MRRF: variants seen among roughly 807,000 people sequenced by gnomAD.
MRRF encodes the protein mitochondrial ribosome recycling factor, also known as ribosome-recycling factor, mitochondrial.
Under a neutral mutation model 25.1 loss-of-function variants are expected in MRRF, and 18 were observed. The observed-to-expected ratio is 0.72, with a 90% CI of 0.50 to 1.06. The LOEUF (loss-of-function observed/expected upper bound fraction) is 1.06. Ranked by LOEUF, MRRF falls within the 50% of genes least tolerant of loss-of-function variation. MRRF has a pLI of 0.00. For synonymous variants in MRRF, 113 were observed against 112.1 expected (o/e 1.01, Z -0.05); for missense variants, 323 against 319.3 (o/e 1.01, Z -0.09).
At chr9:122,309,433 A>G (rs1164513569) in intron 5 of MRRF, among the ~76,000 whole-genome samples, 1 of 151,794 alleles carries the variant, frequency 6.6e-6, no homozygotes, top group Non-Finnish European at 1.5e-5. Context: ...TTTTCATCCT[A>G]TAAGAGCTAT....
At chr9:122,279,118 G>C (rs1425519324) in intron 2 of MRRF, among the ~76,000 whole-genome samples, 7 of 152,128 alleles carry the variant, frequency 4.6e-5, no homozygotes, top group Non-Finnish European at 1.5e-5. Context: ...TGATCTGCCT[G>C]CCTCGGCCCC....
chr9:122,286,769 C>A (rs968918008), intron 4 of MRRF, among the ~76,000 whole-genome samples: 1 of 152,100 alleles, frequency 6.6e-6, no homozygotes, highest in African/African-American at 2.4e-5. Context: ...GTTGTCATTC[C>A]CATGCTTTGC....
chr9:122,300,226 T>C (rs1324851761), intron 5 of MRRF, among the ~76,000 whole-genome samples: 2 of 152,214 alleles, frequency 1.3e-5, no homozygotes, highest in East Asian at 3.9e-4. Context: ...AGAAGCACAG[T>C]GGATGTGGCC....
At chr9:122,308,943 C>T (rs1435940544) in intron 5 of MRRF, among the ~76,000 whole-genome samples, 1 of 152,056 alleles carries the variant, frequency 6.6e-6, no homozygotes, top group Non-Finnish European at 1.5e-5. Flanking sequence ...TTTAAGTGTA[C>T]AGTTCAGTGA....
At chr9:122,300,523 T>C (rs1011935430) in intron 5 of MRRF, among the ~76,000 whole-genome samples, 1 of 152,260 alleles carries the variant, frequency 6.6e-6, no homozygotes, top group East Asian at 1.9e-4. Flanking sequence ...TTAATTCCTT[T>C]ATCTTAGAGT....
intron 4 of MRRF, among the ~76,000 whole-genome samples, chr9:122,288,929 G>A (rs1833578817): frequency 6.6e-6 from 1 of 152,144 alleles, no homozygotes; most frequent in African/African-American, 2.4e-5. Flanking sequence ...AGTTAGTTAT[G>A]TCATCATTTG....
intron 6 of MRRF, among the ~76,000 whole-genome samples, chr9:122,313,684 TA>T (rs1342517839): frequency 6.6e-6 from 1 of 152,192 alleles, no homozygotes; most frequent in Non-Finnish European, 1.5e-5. Flanking sequence ...TCAGGCAAGT[TA>T]AATAACTTGC....
intron 6 of MRRF, among the ~76,000 whole-genome samples, chr9:122,317,552 A>C (rs918882324): frequency 6.6e-6 from 1 of 152,210 alleles, no homozygotes; most frequent in African/African-American, 2.4e-5. Context: ...GAATCTACAT[A>C]GAAAGTTATA....
rs1836222187 is a variant in MRRF at position 122,329,325 on chromosome 9, A to G, written c.*6708A>G. On this transcript the variant is annotated 3_prime_UTR_variant, in exon 7 of 7. Coordinates refer to ENST00000344641, the MANE Select transcript of MRRF (RefSeq NM_138777.5). ...TGCCTAGTGTATGCTCCCTTAAACC[A>G]CTTCCCCACCAGCAGGCAAAACTTA... 6.6e-6 allele frequency: 1 copy of G among 152,046 alleles called. No individual in the cohort carries two copies. The highest frequency in any genetic ancestry group is 2.1e-4 in the South Asian group (1 of 4,812). The allele number at this position is 152,046 out of a possible 1,614,324, so 9.4% of individuals were successfully genotyped here.
intron 2 of MRRF, among the ~76,000 whole-genome samples, chr9:122,272,353 CTTCT>C (rs1474357249): frequency 6.6e-6 from 1 of 152,094 alleles, no homozygotes; most frequent in African/African-American, 2.4e-5. Context: ...TCAGTTTTGT[CTTCT>C]TTGATTGCCT....
chr9:122,309,573 G>A (rs1010895349), intron 5 of MRRF, among the ~76,000 whole-genome samples: 64 of 152,258 alleles, frequency 4.2e-4, no homozygotes, highest in African/African-American at 1.5e-3. Flanking sequence ...AGAAAGGTTG[G>A]TCAGACTCCT....
At chr9:122,294,732 G>C (rs992741239) in intron 5 of MRRF, among the ~76,000 whole-genome samples, 12 of 152,328 alleles carry the variant, frequency 7.9e-5, no homozygotes, top group African/African-American at 2.9e-4. Flanking sequence ...CAGCGCCCTA[G>C]TTGCTTGCTG....
intron 6 of MRRF, among the ~76,000 whole-genome samples, chr9:122,314,027 C>T (rs1034845835): frequency 1.3e-5 from 2 of 152,132 alleles, no homozygotes; most frequent in Admixed American, 6.6e-5. Context: ...AGGAAGGTCT[C>T]GTACACCAGG....
intron 5 of MRRF, among the ~76,000 whole-genome samples, chr9:122,305,540 C>G (rs956939574): frequency 6.6e-6 from 1 of 152,094 alleles, no homozygotes; most frequent in African/African-American, 2.4e-5. Flanking sequence ...ATTTACTGAG[C>G]TAATGCATGG....
chr9:122,320,008 G>C (rs1017447082), intron 6 of MRRF, among the ~76,000 whole-genome samples: 1 of 151,238 alleles, frequency 6.6e-6, no homozygotes, highest in Non-Finnish European at 1.5e-5. Context: ...CTGAGTAGCC[G>C]GGACTACAGG....
chr9:122,293,597 A>G (rs1002110206), intron 5 of MRRF, among the ~76,000 whole-genome samples: 2 of 152,204 alleles, frequency 1.3e-5, no homozygotes, highest in African/African-American at 4.8e-5. Flanking sequence ...AATCATGTGA[A>G]TTGGGAACAA....
intron 6 of MRRF, among the ~76,000 whole-genome samples, chr9:122,318,004 G>T (rs997736170): frequency 1.3e-5 from 2 of 152,072 alleles, no homozygotes; most frequent in Admixed American, 1.3e-4. Context: ...GGGCATGGTG[G>T]TGGGCATCTG....
chr9:122,293,247 T>G (rs929507716), intron 5 of MRRF, among the ~76,000 whole-genome samples: 3 of 152,222 alleles, frequency 2.0e-5, no homozygotes, highest in African/African-American at 7.2e-5. Context: ...GAACACTAGT[T>G]GAGTGTCTTT....
chr9:122,276,621 A>G (rs1248142160), intron 2 of MRRF, among the ~76,000 whole-genome samples: 1 of 152,224 alleles, frequency 6.6e-6, no homozygotes, highest in East Asian at 1.9e-4. Context: ...TTCAGAAGGC[A>G]TGTTCTATAT....
Sources: allele counts gnomAD v4.1 joint callset (sites outside exome capture counted in the v4.1 genomes callset), GRCh38; gene constraint gnomAD v4.1.1; transcripts MANE v1.5; gene names NCBI Gene and HGNC (gene_info 2026-07-23, HGNC 2026-07-21).